Variants in SFMBT2 observed in about 807,000 individuals in gnomAD.
SFMBT2 encodes the protein Scm like with four mbt domains 2, also known as scm-like with four MBT domains protein 2.
Under a neutral mutation model 110.1 loss-of-function variants are expected in SFMBT2, and 38 were observed. The observed-to-expected ratio is 0.35, with a 90% confidence interval of 0.27 to 0.45. SFMBT2 has a LOEUF of 0.45. Among genes scored for constraint, SFMBT2 ranks in the 20% least tolerant of loss-of-function variants. The pLI is 1.00. For missense variants in SFMBT2, 1,011 were observed against 1,094.9 expected (o/e 0.92, Z 1.08); for synonymous variants, 425 against 425.4 (o/e 1.00, Z 0.01).
At chr10:7,168,460 C>T (rs533021351) in intron 20 of SFMBT2, among the ~76,000 whole-genome samples, 3 of 152,156 alleles carry the variant, frequency 2.0e-5, no homozygotes, top group Admixed American at 6.5e-5. Flanking sequence ...GAATGCCACA[C>T]CTTGTATCTT....
rs776419698 is a variant in SFMBT2, at chr10:7,197,671, T to C, written c.1575A>G (p.Lys525=). 4 of 1,614,130 alleles carry C rather than the reference T, an allele frequency of 2.5e-6. No individual in the cohort carries two copies. The highest frequency in any genetic ancestry group is 1.1e-5 in the South Asian group (1 of 91,082). Residue 525 remains lysine, a synonymous_variant, in exon 15 of 21, where the codon AAA becomes AAG. Coordinates refer to ENST00000397167, the MANE Select transcript of SFMBT2 (RefSeq NM_001387889.1). ...TGATGAAGAGCTGAGGACAGCAGTA[T>C]TTCCCGTTGACGGTTCCTGCAGGGG... ...HLDTTGTVNG[K]YCCPQLFINH...
chr10:7,229,834 C>T (rs1230514194), intron 9 of SFMBT2, among the ~76,000 whole-genome samples: 2 of 151,120 alleles, frequency 1.3e-5, no homozygotes, highest in South Asian at 4.2e-4. Context: ...AATTCTCCTG[C>T]CTCAGCCTCC....
At chr10:7,288,005 A>ATTGTTGTGTTTT (rs1842147363) in intron 4 of SFMBT2, among the ~76,000 whole-genome samples, 1 of 152,218 alleles carries the variant, frequency 6.6e-6, no homozygotes, top group Non-Finnish European at 1.5e-5. Flanking sequence ...CACACCAACC[A>ATTGTTGTGTTTT]ATTAATATTA....
At chr10:7,381,725 T>TAG in intron 2 of SFMBT2, 74 bp downstream of exon 2, 1 of 1,487,116 alleles carries the variant, frequency 6.7e-7, no homozygotes, top group Non-Finnish European at 9.3e-7. Flanking sequence ...TGCCCCATTG[T>TAG]TTCCTGAATA....
chr10:7,391,206 G>A (rs111581782), intron 1 of SFMBT2, among the ~76,000 whole-genome samples: 1 of 151,928 alleles, frequency 6.6e-6, no homozygotes, highest in Non-Finnish European at 1.5e-5. Context: ...GGTGGCTCAC[G>A]CCTGTAATCC....
chr10:7,308,589 C>A (rs533822807), intron 4 of SFMBT2, among the ~76,000 whole-genome samples: 4 of 152,250 alleles, frequency 2.6e-5, no homozygotes, highest in Admixed American at 1.3e-4. Context: ...AGAAAAAGCA[C>A]ATGACCCAAG....
intron 15 of SFMBT2, chr10:7,189,292 G>T: frequency 1.8e-6 from 1 of 553,736 alleles, no homozygotes; most frequent in Non-Finnish European, 2.3e-6. Flanking sequence ...TTAAAAGAGA[G>T]TCTGGAATAT....
At chr10:7,407,246 C>T (rs1170654880) in intron 1 of SFMBT2, among the ~76,000 whole-genome samples, 4 of 151,786 alleles carry the variant, frequency 2.6e-5, no homozygotes, top group Non-Finnish European at 5.9e-5. Flanking sequence ...ACTCCCTCCC[C>T]ACCCCCAACA....
chr10:7,249,664 A>C (rs1467515954), intron 7 of SFMBT2: 1 of 503,604 alleles, frequency 2.0e-6, no homozygotes, highest in Non-Finnish European at 2.6e-6. Flanking sequence ...TGAGGACTGC[A>C]CAGAGCCCAG....
intron 15 of SFMBT2, among the ~76,000 whole-genome samples, chr10:7,190,037 C>T (rs1838546247): frequency 6.6e-6 from 1 of 152,200 alleles, no homozygotes; most frequent in African/African-American, 2.4e-5. Flanking sequence ...AGGATTCACT[C>T]TTAAAATACT....
At position 7,390,226 on chromosome 10, in the gene SFMBT2, G is replaced by C. The variant is rs143158939; in HGVS notation, c.-51-8277C>G. On this transcript the variant is annotated intron_variant, in intron 1 of 20. Transcript: ENST00000397167. ...CTAGGCACATGTGGGTAGAAGGTGG[G>C]CAGCCCAGCAAGCCACTGCACTGGA... is the stretch of plus-strand genomic sequence containing the variant. 6.7e-3 allele frequency among the ~76,000 whole-genome samples: 1,020 copies of C among 152,216 alleles called. 8 individuals carry two copies. The highest frequency in any genetic ancestry group is 0.023 in the African/African-American group (956 of 41,536).
At chr10:7,184,222 C>A (rs1042097039) in intron 16 of SFMBT2, among the ~76,000 whole-genome samples, 18 of 152,154 alleles carry the variant, frequency 1.2e-4, no homozygotes, top group Non-Finnish European at 4.4e-5. Flanking sequence ...ACCCAAATCT[C>A]ATCTTGAATT....
At chr10:7,357,691 C>A (rs1366154346) in intron 4 of SFMBT2, among the ~76,000 whole-genome samples, 1 of 152,224 alleles carries the variant, frequency 6.6e-6, no homozygotes, top group Non-Finnish European at 1.5e-5. Context: ...TCTGAATAAT[C>A]CTTGGGAACC....
At chr10:7,224,615 T>A (rs1238824883) in intron 10 of SFMBT2, among the ~76,000 whole-genome samples, 1 of 152,222 alleles carries the variant, frequency 6.6e-6, no homozygotes, top group East Asian at 1.9e-4. Flanking sequence ...TTGCTCACGT[T>A]CCACTACCTT....
In SFMBT2 at chr10:7,399,979, A is replaced by C. The variant is rs539482474; in HGVS notation, c.-52+10882T>G. Among the ~76,000 whole-genome samples the C allele has an allele frequency of 3.3e-5, 5 of 152,364 alleles. No homozygotes were observed. In the East Asian group the frequency reaches 7.7e-4, roughly 24 times the overall value. The stretch of plus-strand genomic sequence containing the variant: ...CAGATCACAAAAGCTTTCATCAAAA[A>C]GGTGGATCTGAGCCAGGTCTGGAGA... On this transcript the variant is annotated intron_variant, in intron 1 of 20. Coordinates refer to ENST00000397167, the MANE Select transcript of SFMBT2 (RefSeq NM_001387889.1).
intron 12 of SFMBT2, chr10:7,204,922 G>A (rs144594671): frequency 0.023 from 22,634 of 984,422 alleles, 290 homozygotes; most frequent in Admixed American, 0.036. Context: ...GTGCATGTGC[G>A]TGTGTGCACA....
intron 20 of SFMBT2, chr10:7,164,138 G>A (rs995355459): frequency 2.0e-6 from 2 of 983,964 alleles, no homozygotes; most frequent in Admixed American, 6.1e-5. Flanking sequence ...TATAATTCCA[G>A]CACTTTGGAA....
intron 4 of SFMBT2, among the ~76,000 whole-genome samples, chr10:7,325,748 G>A (rs774347591): frequency 2.4e-4 from 37 of 152,176 alleles, no homozygotes; most frequent in Non-Finnish European, 5.1e-4. Flanking sequence ...ACAGAAGATA[G>A]TATCAGGGTG....
At chr10:7,227,215 C>A (rs571045251) in intron 10 of SFMBT2, among the ~76,000 whole-genome samples, 6 of 152,310 alleles carry the variant, frequency 3.9e-5, no homozygotes, top group Admixed American at 6.5e-5. Context: ...ATAGGTAAGA[C>A]AGCATTTTAA....
Sources: allele counts gnomAD v4.1 joint callset (sites outside exome capture counted in the v4.1 genomes callset), GRCh38; gene constraint gnomAD v4.1.1; transcripts MANE v1.5; gene names NCBI Gene and HGNC (gene_info 2026-07-23, HGNC 2026-07-21).